NWD2: variants seen among roughly 807,000 people sequenced by gnomAD.
The protein encoded by NWD2 is NACHT and WD repeat domain-containing protein 2.
A neutral mutation model predicts 132.7 loss-of-function variants in NWD2; 37 were observed. The observed-to-expected ratio is 0.28, with a 90% CI of 0.21 to 0.37. The LOEUF is 0.37. Ranked by LOEUF, NWD2 falls within the 10% of genes least tolerant of loss-of-function variation. The pLI, the probability that NWD2 is intolerant of heterozygous loss-of-function variation, is 1.00. For synonymous variants in NWD2, 705 were observed against 803.0 expected, an observed-to-expected ratio of 0.88 and a Z score of 2.06; for missense variants, 1,592 against 2,122.4, an observed-to-expected ratio of 0.75 and a Z score of 4.91.
chr4:37,347,616 G>A lies in NWD2; in HGVS notation c.241-8750G>A, dbSNP rs144516891. ...ACTGTAGAAAGATTATTCCTATATT[G>A]CTCTATTTCCTTTTCCTCCCTTTTG... On this transcript the variant is annotated intron_variant, in intron 2 of 6. Transcript: ENST00000309447. Among the ~76,000 whole-genome samples the A allele has an allele frequency of 2.0e-5, 3 of 152,070 alleles. No individual in the cohort carries two copies. The East Asian group carries it at 5.8e-4, about 29-fold the overall frequency.
In NWD2 at chr4:37,445,438, C is replaced by T. The variant is rs1712608120; in HGVS notation, c.3450C>T (p.Ile1150=). The T allele has an allele frequency of 1.3e-6, 2 of 1,551,816 alleles. No individual in the cohort carries two copies. The highest frequency in any genetic ancestry group is 2.0e-5 in the Admixed American group (1 of 51,002). The change falls in exon 7 of 7, where the codon ATC becomes ATT. Residue 1150 remains isoleucine, a synonymous_variant. Transcript: ENST00000309447. The surrounding 1 kb of genome is among the most constrained non-coding windows in gnomAD (Gnocchi z 4.7). ...FSGGFVKFLL[I]LDTAQEMVMV... ...GTGGATTTGTGAAGTTTCTTCTTAT[C>T]TTGGACACAGCTCAGGAAATGGTCA... is the stretch of plus-strand genomic sequence containing the variant.
chr4:37,313,178 G>T (rs1449416363), intron 1 of NWD2, among the ~76,000 whole-genome samples: 3 of 151,108 alleles, frequency 2.0e-5, no homozygotes, highest in Admixed American at 1.3e-4. Context: ...TTTTTCTGTT[G>T]ATTTGAATAG....
intron 1 of NWD2, among the ~76,000 whole-genome samples, chr4:37,283,514 A>G (rs1718170224): frequency 6.6e-6 from 1 of 152,186 alleles, no homozygotes; most frequent in African/African-American, 2.4e-5. Flanking sequence ...ACTACAGTTT[A>G]TTAAAATTCT....
chr4:37,369,268 T>G (rs1479758), intron 3 of NWD2, among the ~76,000 whole-genome samples: 146,938 of 151,758 alleles, frequency 0.97, 71,092 homozygotes, highest in South Asian at 1. Flanking sequence ...TACAATCTGT[T>G]TGAGGTTTTT....
intron 1 of NWD2, among the ~76,000 whole-genome samples, chr4:37,321,247 T>G (rs1719062132): frequency 6.6e-6 from 1 of 152,198 alleles, no homozygotes. Context: ...CACGGTCCTT[T>G]CAGCACTCTT....
intron 6 of NWD2, among the ~76,000 whole-genome samples, chr4:37,440,336 C>T (rs573669021): frequency 6.6e-5 from 10 of 152,300 alleles, no homozygotes; most frequent in Non-Finnish European, 1.3e-4. Context: ...ACATGTAGCA[C>T]ATGGGAAACA....
intron 3 of NWD2, among the ~76,000 whole-genome samples, chr4:37,361,235 C>T (rs775274727): frequency 6.6e-6 from 1 of 152,028 alleles, no homozygotes. Flanking sequence ...AGACAAATTC[C>T]ACCAGATATG....
At chr4:37,387,361 A>G (rs1447651572) in intron 3 of NWD2, among the ~76,000 whole-genome samples, 1 of 152,130 alleles carries the variant, frequency 6.6e-6, no homozygotes, top group Non-Finnish European at 1.5e-5. Flanking sequence ...TTTATACTCA[A>G]CAGTATAATC....
At chr4:37,431,315 A>G (rs956932980) in intron 4 of NWD2, among the ~76,000 whole-genome samples, 8 of 152,210 alleles carry the variant, frequency 5.3e-5, no homozygotes, top group Non-Finnish European at 1.0e-4. Flanking sequence ...TTATATACAC[A>G]CATACTGTGA....
intron 3 of NWD2, among the ~76,000 whole-genome samples, chr4:37,403,463 C>G (rs1440725298): frequency 1.3e-5 from 2 of 152,124 alleles, no homozygotes; most frequent in South Asian, 4.1e-4. Context: ...TAAGAACATT[C>G]GTGCTCCTAG....
intron 3 of NWD2, among the ~76,000 whole-genome samples, chr4:37,427,976 A>G (rs977491376): frequency 3.3e-5 from 5 of 152,250 alleles, no homozygotes; most frequent in African/African-American, 1.2e-4. Flanking sequence ...GAAGCTTCAG[A>G]GAAGAGCAGA....
chr4:37,423,300 A>T (rs1395298821), intron 3 of NWD2, among the ~76,000 whole-genome samples: 4 of 152,134 alleles, frequency 2.6e-5, no homozygotes. Context: ...ACTTGTCATT[A>T]TTATTTTGCA....
intron 3 of NWD2, among the ~76,000 whole-genome samples, chr4:37,393,786 C>T (rs1018179131): frequency 4.6e-5 from 7 of 152,220 alleles, no homozygotes; most frequent in African/African-American, 1.7e-4. Context: ...ACATCCCTCT[C>T]TCCTCTCAGA....
At chr4:37,370,624 C>T (rs1577681934) in intron 3 of NWD2, among the ~76,000 whole-genome samples, 1 of 152,156 alleles carries the variant, frequency 6.6e-6, no homozygotes, top group Non-Finnish European at 1.5e-5. Context: ...GATTAACCAA[C>T]AGCAGGGAAG....
chr4:37,322,691 A>G (rs1719093767), intron 1 of NWD2, among the ~76,000 whole-genome samples: 1 of 152,192 alleles, frequency 6.6e-6, no homozygotes, highest in African/African-American at 2.4e-5. Flanking sequence ...ACCAAGGGGC[A>G]AGTATGAAAA....
chr4:37,413,736 G>A lies in NWD2; in HGVS notation c.358-16836G>A, dbSNP rs376702850. On this transcript the variant is annotated intron_variant, in intron 3 of 6. Coordinates refer to ENST00000309447, the MANE Select transcript of NWD2 (RefSeq NM_001144990.2). ...GGAATCAACCCAAATGTTCATCAATGATAGACTGGATAAAGAAAATGTGGT... is the reference window on the plus strand; with the variant it reads ...GGAATCAACCCAAATGTTCATCAATAATAGACTGGATAAAGAAAATGTGGT... Among the ~76,000 whole-genome samples, 17 of 152,272 alleles carry A rather than the reference G, an allele frequency of 1.1e-4. No individual in the cohort carries two copies. The East Asian group carries it at 2.7e-3, about 24-fold the overall frequency.
intron 3 of NWD2, among the ~76,000 whole-genome samples, chr4:37,383,545 T>A (rs1309662353): frequency 1.3e-5 from 2 of 152,186 alleles, no homozygotes; most frequent in Admixed American, 1.3e-4. Flanking sequence ...TGTCTTCTCT[T>A]TGAGTTCTGA....
chr4:37,366,514 C>A (rs2109304078), intron 3 of NWD2, among the ~76,000 whole-genome samples: 1 of 152,066 alleles, frequency 6.6e-6, no homozygotes, highest in East Asian at 1.9e-4. Flanking sequence ...ATGAAACAAG[C>A]AGAAAGATAA....
Position 37,362,286 on chromosome 4 carries a change from C to A in NWD2, c.357+5804C>A, listed in dbSNP as rs187746717. ...AATGCTATTTCTATCAAACTACCAA[C>A]GTCATTTTTCACAGAACTAGAAAAA... On this transcript the variant is annotated intron_variant, in intron 3 of 6. Transcript: ENST00000309447. Among the ~76,000 whole-genome samples the A allele has an allele frequency of 5.4e-4, 82 of 152,228 alleles. No individual in the cohort carries two copies. The East Asian group carries it at 0.015, about 28-fold the overall frequency.
Sources: allele counts gnomAD v4.1 joint callset (sites outside exome capture counted in the v4.1 genomes callset), GRCh38; gene constraint gnomAD v4.1.1; non-coding constraint Gnocchi (gnomAD v3.1); transcripts MANE v1.5; gene names NCBI Gene and HGNC (gene_info 2026-07-23, HGNC 2026-07-21).